Variants in DAPK2 observed in about 807,000 individuals in gnomAD.
DAPK2 encodes the protein death associated protein kinase 2.
In DAPK2, 35 loss-of-function variants were observed where a neutral mutation model predicts 44.1. That is an observed-to-expected ratio of 0.79 (90% confidence interval 0.61 to 1.05). The LOEUF (loss-of-function observed/expected upper bound fraction) is 1.05, where lower values mean the gene tolerates loss of function less well. DAPK2 is among the 50% of genes least tolerant of loss of function. The probability of loss-of-function intolerance (pLI) is 0.00; values close to 1 mark genes in which losing one functional copy is unlikely to be tolerated. For synonymous variants in DAPK2, 174 were observed against 182.6 expected (o/e 0.95, Z 0.38); for missense variants, 453 against 483.2 (o/e 0.94, Z 0.59).
chr15:63,982,725 A>G (rs1156991949), intron 2 of DAPK2, among the ~76,000 whole-genome samples: 5 of 152,222 alleles, frequency 3.3e-5, no homozygotes, highest in Non-Finnish European at 2.9e-5. Flanking sequence ...CTGTCTGCAC[A>G]GGCCGTGTGG....
chr15:63,923,297 G>T lies in DAPK2; in HGVS notation c.858+1519C>A. The T allele has an allele frequency of 1.3e-6, 2 of 1,535,936 alleles. No homozygotes were observed. Among genetic ancestry groups the T allele is most frequent in the Non-Finnish European group, 1.7e-6 (2 of 1,146,732 alleles). ...TCTCAGGTGCTTGGTCTTCAGCTGG[G>T]TGGGCTCTGTCTTCCGCTGTTCAGG... On this transcript the variant is annotated intron_variant, in intron 8 of 10. Coordinates refer to ENST00000261891, the Ensembl canonical transcript of DAPK2. This position sits in a 1 kb window ranked among gnomAD's most constrained non-coding sequence, Gnocchi z 4.2.
intron 8 of DAPK2, among the ~76,000 whole-genome samples, chr15:63,915,215 G>T (rs2078895981): frequency 6.6e-6 from 1 of 152,118 alleles, no homozygotes; most frequent in Admixed American, 6.5e-5. Flanking sequence ...TCTGATCTGT[G>T]GTTGACTGAA....
intron 1 of DAPK2, among the ~76,000 whole-genome samples, chr15:64,015,426 T>A (rs765894457): frequency 1.3e-5 from 2 of 152,156 alleles, no homozygotes; most frequent in African/African-American, 2.4e-5. Flanking sequence ...GCAGCTGCTG[T>A]CAGCTCAGTG....
At chr15:63,986,346 G>A (rs1449497845) in intron 1 of DAPK2, among the ~76,000 whole-genome samples, 1 of 152,264 alleles carries the variant, frequency 6.6e-6, no homozygotes, top group East Asian at 1.9e-4. Flanking sequence ...AGTGGTTCAT[G>A]TGAAGGCTGA....
chr15:63,968,686 G>A (rs569549743), intron 3 of DAPK2, among the ~76,000 whole-genome samples: 1 of 152,300 alleles, frequency 6.6e-6, no homozygotes, highest in South Asian at 2.1e-4. Flanking sequence ...TGCCAGGTAG[G>A]TATTATTTGC....
chr15:63,983,844 G>C, intron 1 of DAPK2, 90 bp from the exon 3 acceptor site: 4 of 1,278,338 alleles, frequency 3.1e-6, no homozygotes, highest in Non-Finnish European at 4.4e-6. Flanking sequence ...CACAAATTCA[G>C]AGTGATTCTG....
At chr15:63,920,110 T>G (rs1836741965) in intron 8 of DAPK2, 1 of 152,184 alleles carries the variant, frequency 6.6e-6, no homozygotes, top group South Asian at 2.1e-4. Flanking sequence ...GATGATGGTA[T>G]CATATTCTTA....
chr15:63,910,020 C>A (rs1340933282), intron 10 of DAPK2, among the ~76,000 whole-genome samples: 2 of 152,184 alleles, frequency 1.3e-5, no homozygotes, highest in African/African-American at 2.4e-5. Flanking sequence ...CCAAGCCCGG[C>A]TATAACAATA....
At chr15:63,949,301 C>G (rs949177598) in intron 3 of DAPK2, among the ~76,000 whole-genome samples, 1 of 152,242 alleles carries the variant, frequency 6.6e-6, no homozygotes, top group Non-Finnish European at 1.5e-5. Flanking sequence ...CCTACCTGCT[C>G]TGTCTCTATA....
At chr15:63,947,016 C>T (rs1272579547) in intron 3 of DAPK2, among the ~76,000 whole-genome samples, 1 of 152,048 alleles carries the variant, frequency 6.6e-6, no homozygotes, top group Non-Finnish European at 1.5e-5. Context: ...TTCAGTGTGG[C>T]CCATGCCCAA....
intron 2 of DAPK2, among the ~76,000 whole-genome samples, chr15:63,982,187 CTTTTTTT>C (rs5813271): frequency 9.3e-6 from 1 of 107,874 alleles, no homozygotes; most frequent in Non-Finnish European, 1.8e-5. Context: ...TCAGAATATT[CTTTTTTT>C]TTTTTTTTTT....
chr15:64,042,553 C>A (rs555509770), upstream of DAPK2, among the ~76,000 whole-genome samples: 3 of 152,300 alleles, frequency 2.0e-5, no homozygotes, highest in East Asian at 5.8e-4. This position sits in a 1 kb window ranked among gnomAD's most constrained non-coding sequence, Gnocchi z 4.7. Flanking sequence ...TTCAAAGAAG[C>A]CCCAGTTCCC....
At chr15:63,997,255 T>C (rs1458433073) in intron 1 of DAPK2, among the ~76,000 whole-genome samples, 1 of 152,252 alleles carries the variant, frequency 6.6e-6, no homozygotes, top group African/African-American at 2.4e-5. Flanking sequence ...TCAAGCCTAA[T>C]TGTCAGGGCG....
intron 3 of DAPK2, among the ~76,000 whole-genome samples, chr15:63,969,588 A>G (rs1290296000): frequency 6.6e-6 from 1 of 152,160 alleles, no homozygotes; most frequent in Non-Finnish European, 1.5e-5. Flanking sequence ...AAAAAATACA[A>G]AAATTAGCCA....
At chr15:63,978,452 T>TA (rs2078415106) in intron 2 of DAPK2, among the ~76,000 whole-genome samples, 2 of 152,208 alleles carry the variant, frequency 1.3e-5, no homozygotes, top group African/African-American at 4.8e-5. Flanking sequence ...TGGGGTGCAG[T>TA]AATCAGTCAT....
At chr15:64,039,243 T>G (rs748899022) in intron 1 of DAPK2, among the ~76,000 whole-genome samples, 2 of 152,252 alleles carry the variant, frequency 1.3e-5, no homozygotes, top group Admixed American at 6.5e-5. Flanking sequence ...TAAATTCCCA[T>G]GTTTTCATGC....
At chr15:63,978,312 G>A (rs759748525) in intron 2 of DAPK2, among the ~76,000 whole-genome samples, 5 of 152,008 alleles carry the variant, frequency 3.3e-5, no homozygotes, top group Non-Finnish European at 7.4e-5. Context: ...CTGTGACCTC[G>A]GGCAAATATC....
At chr15:64,021,003 C>T (rs962289262) in intron 1 of DAPK2, among the ~76,000 whole-genome samples, 3 of 152,184 alleles carry the variant, frequency 2.0e-5, no homozygotes, top group South Asian at 2.1e-4. Flanking sequence ...AAGTCCGTGG[C>T]GATGGGCCAG....
chr15:63,923,735 C>T lies in DAPK2; in HGVS notation c.858+1081G>A, dbSNP rs559080902. 1.3e-5 allele frequency among the ~76,000 whole-genome samples: 2 copies of T among 152,370 alleles called. No homozygotes were observed. Among genetic ancestry groups the T allele is most frequent in the Non-Finnish European group, 2.9e-5 (2 of 68,042 alleles). Reference sequence around the variant, plus strand: ...CCTTCAGGGCTCCTTGGGCCTTCCCCATCCTTCAATGAGCTGATGAAGCTG... The same window carrying T: ...CCTTCAGGGCTCCTTGGGCCTTCCCTATCCTTCAATGAGCTGATGAAGCTG... On this transcript the variant is annotated intron_variant, in intron 8 of 10. Coordinates refer to ENST00000261891, the Ensembl canonical transcript of DAPK2. The surrounding 1 kb of genome is among the most constrained non-coding windows in gnomAD (Gnocchi z 4.2).
Sources: allele counts gnomAD v4.1 joint callset (sites outside exome capture counted in the v4.1 genomes callset), GRCh38; gene constraint gnomAD v4.1.1; non-coding constraint Gnocchi (gnomAD v3.1); transcripts MANE v1.5; gene names NCBI Gene and HGNC (gene_info 2026-07-23, HGNC 2026-07-21).